Variants in MUC5B observed in about 807,000 individuals in gnomAD.
MUC5B encodes mucin-5B.
In MUC5B, 116 loss-of-function variants were observed where a neutral mutation model predicts 376.9. That is an observed-to-expected ratio of 0.31 (90% CI 0.26 to 0.36). The LOEUF (loss-of-function observed/expected upper bound fraction) is 0.36. Among genes scored for constraint, MUC5B ranks in the 10% least tolerant of loss-of-function variants. The pLI, the probability that MUC5B is intolerant of heterozygous loss-of-function variation, is 1.00. For missense variants in MUC5B, 7,165 were observed against 7,769.9 expected (o/e 0.92, Z 2.93); for synonymous variants, 3,517 against 3,390.9 (o/e 1.04, Z -1.29).
chr11:1,231,616 A>G, intron 14 of MUC5B, 56 bp downstream of exon 14: 1 of 1,506,828 alleles, frequency 6.6e-7, no homozygotes. Context: ...GGCCTGGACT[A>G]GCGCCAGGCT....
chr11:1,251,817 A>G, intron 31 of MUC5B, 74 bp downstream of exon 31: 1 of 1,102,990 alleles, frequency 9.1e-7, no homozygotes, highest in East Asian at 2.4e-5. Context: ...CTGTCCTGGG[A>G]GCCAGTGGCT....
chr11:1,231,876 A>C, intron 14 of MUC5B, 120 bp from the exon 15 acceptor site: 1 of 1,369,550 alleles, frequency 7.3e-7, no homozygotes, highest in Non-Finnish European at 1.0e-6. Context: ...TTCTGGGAGC[A>C]GAATCCTGGG....
Position 1,227,036 on chromosome 11 carries a change from A to T in MUC5B, c.467A>T (p.Glu156Val), listed in dbSNP as rs1861903096. ...GSVLINGQRE[E>V]LPYSRTGLLV... ...AGACCCCGCTGTCTGCGCAGGGAGG[A>T]GCTGCCTTACAGCCGCACTGGCCTC... is the stretch of plus-strand genomic sequence containing the variant. Residue 156 changes from glutamate to valine, a missense_variant, in exon 5 of 49, where the codon GAG becomes GTG. Coordinates refer to ENST00000529681, the MANE Select transcript of MUC5B (RefSeq NM_002458.3). 6.2e-7 allele frequency: 1 copy of T among 1,609,518 alleles called. No homozygotes were observed. Among genetic ancestry groups the T allele is most frequent in the East Asian group, 2.2e-5 (1 of 44,814 alleles).
chr11:1,259,285 TCACCTGCCCCCAGGTGAGCCACCAAGG>T (rs1300473156), intron 44 of MUC5B, among the ~76,000 whole-genome samples: 10 of 104,462 alleles, frequency 9.6e-5, no homozygotes, highest in Admixed American at 8.9e-4. Context: ...GAGACCTGAG[TCACCTGCCCCCAGGTGAGCCACCAAGG>T]CACCTGCCCC....
intron 15 of MUC5B, 59 bp downstream of exon 15, chr11:1,232,219 C>T: frequency 6.6e-7 from 1 of 1,510,366 alleles, no homozygotes; most frequent in South Asian, 1.3e-5. Context: ...CAGCACCTTC[C>T]TGTCCCCTGG....
At position 1,249,963 on chromosome 11, in the gene MUC5B, C is replaced by T. The variant is rs1451440754; in HGVS notation, c.13083C>T (p.His4361=). ...CCTCCTCCACTCCGGAGACCACCCA[C>T]ACCTCCACAGTGCTGACCACGAAGG... ...IHPSSTPETT[H]TSTVLTTKAT... The change falls in exon 31 of 49, where the codon CAC becomes CAT. Residue 4361 remains histidine (H), a synonymous_variant. Coordinates refer to ENST00000529681, the MANE Select transcript of MUC5B (RefSeq NM_002458.3). 1.2e-6 allele frequency: 2 copies of T among 1,611,908 alleles called. No homozygotes were observed. Among genetic ancestry groups the T allele is most frequent in the South Asian group, 1.1e-5 (1 of 90,990 alleles).
intron 23 of MUC5B, 96 bp downstream of exon 23, chr11:1,235,509 C>A (rs1862137420): frequency 9.5e-7 from 1 of 1,057,986 alleles, no homozygotes; most frequent in Non-Finnish European, 1.4e-6. Context: ...CCCACAGGTT[C>A]TCAGCAGTGT....
chr11:1,228,870 A>G lies in MUC5B; in HGVS notation c.976+105A>G, dbSNP rs1196996338. ...GGGGAGGCCTGGGGGACAGGGGTGG[A>G]GGGCAGAGGACCCACCCCAGGCATA... On this transcript the variant is annotated intron_variant, in intron 8 of 48. Transcript: ENST00000529681. 4 of 658,446 alleles carry G rather than the reference A, an allele frequency of 6.1e-6. No homozygotes were observed. The African/African-American group carries it at 8.1e-5, about 13-fold the overall frequency. The allele number at this position is 658,446 out of a possible 1,614,324, so 40.8% of individuals were successfully genotyped here.
rs1163127457 is a variant in MUC5B, at chr11:1,242,988, G to A, written c.6108G>A (p.Val2036=). ...CCACAACTGGGGCCACCGGCTCTGT[G>A]GCCACCCCCTCCTCCACCCCAGGAA... ...TATTTGATGS[V]ATPSSTPGTA... Residue 2036 remains valine, a synonymous_variant, in exon 31 of 49, where the codon GTG becomes GTA. Coordinates refer to ENST00000529681, the MANE Select transcript of MUC5B (RefSeq NM_002458.3). 6.2e-7 allele frequency: 1 copy of A among 1,610,708 alleles called. No individual in the cohort carries two copies. Among genetic ancestry groups the A allele is most frequent in the Admixed American group, 1.7e-5 (1 of 59,804 alleles).
At chr11:1,233,368 A>C in intron 18 of MUC5B, 100 bp downstream of exon 18, 2 of 1,322,016 alleles carry the variant, frequency 1.5e-6, no homozygotes, top group African/African-American at 3.0e-5. Context: ...GTTCTGAGAC[A>C]TGAGGGGCCA....
At position 1,247,235 on chromosome 11, in the gene MUC5B, C is replaced by G. The variant is rs777308188; in HGVS notation, c.10355C>G (p.Ala3452Gly). 6.2e-7 allele frequency: 1 copy of G among 1,612,396 alleles called. No individual in the cohort carries two copies. Among genetic ancestry groups the G allele is most frequent in the Non-Finnish European group, 8.5e-7 (1 of 1,179,536 alleles). The change falls in exon 31 of 49, where the codon GCC (alanine) becomes GGC (glycine). Residue 3452 changes from alanine to glycine, a missense_variant. Ala to Gly is a moderately conservative substitution (Grantham distance 60). This residue lies in a region of MUC5B where 939 missense variants were observed against 770.6 expected (regional missense o/e 1.22). Coordinates refer to ENST00000529681, the MANE Select transcript of MUC5B (RefSeq NM_002458.3). ...ACACCCCCAGTGCCGAACACCACGG[C>G]CACCACACACGGGCGGTCCCTGCCC... ...THTPPVPNTT[A>G]TTHGRSLPPS... is the part of the protein sequence containing the mutation.
At position 1,257,015 on chromosome 11, in the gene MUC5B, C is replaced by T. The variant is rs1862856153; in HGVS notation, c.16238-225C>T. 6.6e-6 allele frequency among the ~76,000 whole-genome samples: 1 copy of T among 152,184 alleles called. No homozygotes were observed. Among genetic ancestry groups the T allele is most frequent in the Admixed American group, 6.5e-5 (1 of 15,286 alleles). ...GAGTGATCCTGTGATGGTCCCTCCC[C>T]TGAGCCCTGCCTCCCACCACCATGG... is the stretch of plus-strand genomic sequence containing the variant. On this transcript the variant is annotated intron_variant, in intron 39 of 48. Transcript: ENST00000529681. This position sits in a 1 kb window ranked among gnomAD's most constrained non-coding sequence, Gnocchi z 8.9.
In MUC5B at chr11:1,251,193, C is replaced by G. The variant is rs1364270826; in HGVS notation, c.14313C>G (p.Pro4771=). The G allele has an allele frequency of 4.3e-6, 7 of 1,611,426 alleles. No homozygotes were observed. The Middle Eastern group carries it at 4.9e-4, about 114-fold the overall frequency. The change falls in exon 31 of 49, where the codon CCC becomes CCG. Residue 4771 remains proline, a synonymous_variant. Coordinates refer to ENST00000529681, the MANE Select transcript of MUC5B (RefSeq NM_002458.3). ...CCGTCCCAGCACAGACCACCACACC[C>G]ATGTCCACCATGTCCACAATCCACA... ...TWTVPAQTTT[P]MSTMSTIHTS... is the part of the protein sequence containing the mutation.
intron 1 of MUC5B, among the ~76,000 whole-genome samples, chr11:1,224,582 C>A (rs1861838544): frequency 2.1e-5 from 1 of 46,934 alleles, no homozygotes; most frequent in Non-Finnish European, 4.2e-5. Flanking sequence ...TGGGGAGGGG[C>A]TGCTGGGGTG....
Position 1,247,058 on chromosome 11 carries a change from C to G in MUC5B, c.10178C>G (p.Thr3393Arg). 6.4e-7 allele frequency: 1 copy of G among 1,558,180 alleles called. No individual in the cohort carries two copies. Among genetic ancestry groups the G allele is most frequent in the Non-Finnish European group, 8.7e-7 (1 of 1,150,968 alleles). ...TSGTPPSLTT[T>R]ATTITATGST... ...GGTACTCCCCCATCACTGACCACCA[C>G]GGCCACTACGATCACAGCCACCGGC... The change falls in exon 31 of 49, where the codon ACG becomes AGG. Residue 3393 changes from threonine (T) to arginine (R), a missense_variant. Thr to Arg is a moderately conservative substitution (Grantham distance 71, BLOSUM62 -1). This residue lies in a region of MUC5B where 939 missense variants were observed against 770.6 expected (regional missense o/e 1.22). Coordinates refer to ENST00000529681, the MANE Select transcript of MUC5B (RefSeq NM_002458.3).
At chr11:1,225,809 C>T in intron 2 of MUC5B, 72 bp downstream of exon 2, 1 of 1,415,864 alleles carries the variant, frequency 7.1e-7, no homozygotes, top group South Asian at 1.2e-5. Flanking sequence ...CTGGGGCAGG[C>T]AGACGCCTCT....
chr11:1,253,142 A>G lies in MUC5B; in HGVS notation c.15217+162A>G, dbSNP rs553407511. 3 of 776,434 alleles carry G rather than the reference A, an allele frequency of 3.9e-6. No individual in the cohort carries two copies. The highest frequency in any genetic ancestry group is 2.7e-5 in the East Asian group (1 of 36,658). The allele number at this position is 776,434 out of a possible 1,614,324, so 48.1% of individuals were successfully genotyped here. Reference sequence around the variant, plus strand: ...GGGGTGCAGTGGGGCATGGTGGGGCATGGTGGGGTGTGGTGGTGGTGTTTG... The same window carrying G: ...GGGGTGCAGTGGGGCATGGTGGGGCGTGGTGGGGTGTGGTGGTGGTGTTTG... On this transcript the variant is annotated intron_variant, in intron 33 of 48. Coordinates refer to ENST00000529681, the MANE Select transcript of MUC5B (RefSeq NM_002458.3). This position sits in a 1 kb window ranked among gnomAD's most constrained non-coding sequence, Gnocchi z 4.3.
Position 1,260,074 on chromosome 11 carries a change from T to C in MUC5B, c.16912T>C (p.Ser5638Pro). ...TPQPASCPDV[S>P]SCRGSLRKTG... ...ACAGCCTGCATCCTGCCCAGATGTGTCCAGCTGCAGGGTGTGTGCTGGAGG... is the reference window on the plus strand; with the variant it reads ...ACAGCCTGCATCCTGCCCAGATGTGCCCAGCTGCAGGGTGTGTGCTGGAGG... Residue 5638 changes from serine (S) to proline (P), a missense_variant, in exon 46 of 49, where the codon TCC (serine) becomes CCC (proline). Coordinates refer to ENST00000529681, the MANE Select transcript of MUC5B (RefSeq NM_002458.3). 1.9e-6 allele frequency: 3 copies of C among 1,612,518 alleles called. No individual in the cohort carries two copies. The highest frequency in any genetic ancestry group is 2.5e-6 in the Non-Finnish European group (3 of 1,179,706).
rs1165920420 is a variant in MUC5B, at chr11:1,242,857, A to T, written c.5977A>T (p.Thr1993Ser). The change falls in exon 31 of 49, where the codon ACC becomes TCC. Residue 1993 changes from threonine (T) to serine (S), a missense_variant. By Grantham distance (58) the Thr-to-Ser change is moderately conservative. Transcript: ENST00000529681. ...CTCTTCCTCCCTGGGCACCACCTGG[A>T]CCCGCCTATCACAGACCACCACACC... is the stretch of plus-strand genomic sequence containing the variant. The part of the protein sequence containing the change: ...IPSSSLGTTW[T>S]RLSQTTTPTA... 8.1e-6 allele frequency: 13 copies of T among 1,611,418 alleles called. No homozygotes were observed. Among genetic ancestry groups the T allele is most frequent in the Non-Finnish European group, 1.1e-5 (13 of 1,179,168 alleles).
Sources: allele counts gnomAD v4.1 joint callset (sites outside exome capture counted in the v4.1 genomes callset), GRCh38; gene constraint gnomAD v4.1.1; regional missense constraint gnomAD v4.1.1; non-coding constraint Gnocchi (gnomAD v3.1); transcripts MANE v1.5; gene names NCBI Gene and HGNC (gene_info 2026-07-23, HGNC 2026-07-21).